OPRD1: variants seen among roughly 807,000 people sequenced by gnomAD.
OPRD1 encodes the protein opioid receptor delta 1.
A neutral mutation model predicts 17.5 loss-of-function variants in OPRD1; 19 were observed. The ratio of observed to expected loss-of-function variants is 1.09; its 90% CI spans 0.76 to 1.60. The LOEUF is 1.60. OPRD1 is among the 40% of genes most tolerant of loss of function. The probability of loss-of-function intolerance (pLI) is 0.00; values close to 1 mark genes in which losing one functional copy is unlikely to be tolerated. For missense variants in OPRD1, 483 were observed against 547.2 expected (o/e 0.88, Z 1.17); for synonymous variants, 256 against 240.9 (o/e 1.06, Z -0.58).
At chr1:28,850,043 C>T (rs1026760888) in intron 1 of OPRD1, among the ~76,000 whole-genome samples, 2 of 152,098 alleles carry the variant, frequency 1.3e-5, no homozygotes. Flanking sequence ...CTACGTCTGG[C>T]TAATTTTTTT....
intron 1 of OPRD1, among the ~76,000 whole-genome samples, chr1:28,830,830 G>A (rs569903480): frequency 3.3e-5 from 5 of 152,250 alleles, no homozygotes; most frequent in Non-Finnish European, 7.3e-5. Flanking sequence ...TTTAGGCAGA[G>A]GGAACAGCAA....
chr1:28,830,472 T>C (rs1189988779), intron 1 of OPRD1, among the ~76,000 whole-genome samples: 1 of 152,112 alleles, frequency 6.6e-6, no homozygotes, highest in Non-Finnish European at 1.5e-5. Flanking sequence ...TGCAGTGGGC[T>C]GTGATAGTGC....
intron 1 of OPRD1, among the ~76,000 whole-genome samples, chr1:28,848,215 C>G (rs1436096244): frequency 1.3e-5 from 2 of 151,566 alleles, no homozygotes; most frequent in Non-Finnish European, 2.9e-5. Flanking sequence ...TGCCACTGCA[C>G]TCTAGCCTGG....
chr1:28,828,719 G>A (rs2088787425), intron 1 of OPRD1, among the ~76,000 whole-genome samples: 1 of 147,982 alleles, frequency 6.8e-6, no homozygotes, highest in Non-Finnish European at 1.5e-5. Flanking sequence ...GCCAGGCGCA[G>A]TGGTTCACGC....
At position 28,862,955 on chromosome 1, in the gene OPRD1, TG is replaced by T; in HGVS notation, c.793del (p.Val265TrpfsTer213). ...CTGCGGCGCATCACGCGCATGGTGC[TG>T]GTGGTTGTGGGCGCCTTCGTGGTGT... The part of the protein sequence containing the change: ...RSLRRITRMV[L>X]VVVGAFVVCW... On this transcript the variant is annotated frameshift_variant, in exon 3 of 3. Coordinates refer to ENST00000234961, the MANE Select transcript of OPRD1 (RefSeq NM_000911.4). LOFTEE classifies it high-confidence loss of function. 6.2e-7 allele frequency: 1 copy of T among 1,612,526 alleles called. No homozygotes were observed. Among genetic ancestry groups the T allele is most frequent in the Non-Finnish European group, 8.5e-7 (1 of 1,179,542 alleles).
chr1:28,836,021 C>T (rs1325013443), intron 1 of OPRD1, among the ~76,000 whole-genome samples: 1 of 152,244 alleles, frequency 6.6e-6, no homozygotes, highest in African/African-American at 2.4e-5. Context: ...CGTAAACGCT[C>T]TACCCAGACA....
At chr1:28,836,165 T>A (rs1260809685) in intron 1 of OPRD1, among the ~76,000 whole-genome samples, 1 of 152,184 alleles carries the variant, frequency 6.6e-6, no homozygotes, top group Non-Finnish European at 1.5e-5. Context: ...GTTAGCCCCT[T>A]CGTATAGTTC....
At chr1:28,851,391 C>T (rs2089001185) in intron 1 of OPRD1, among the ~76,000 whole-genome samples, 1 of 152,208 alleles carries the variant, frequency 6.6e-6, no homozygotes, top group African/African-American at 2.4e-5. Flanking sequence ...CATTTTCAGA[C>T]AAGCAAGGGT....
In OPRD1 at chr1:28,836,400, G is replaced by A. The variant is rs2088853783; in HGVS notation, c.228-22554G>A. On this transcript the variant is annotated intron_variant, in intron 1 of 2. Transcript: ENST00000234961. ...TTGGTGATGTGCGCCTGTAGTCCCA[G>A]CTACTCAGGAGGCTGAGGCAGAAGA... Among the ~76,000 whole-genome samples, 4 of 151,896 alleles carry A rather than the reference G, an allele frequency of 2.6e-5. No individual in the cohort carries two copies. In the South Asian group the frequency reaches 8.3e-4, roughly 32 times the overall value.
chr1:28,842,491 C>T (rs1246765464), intron 1 of OPRD1, among the ~76,000 whole-genome samples: 1 of 152,198 alleles, frequency 6.6e-6, no homozygotes, highest in Non-Finnish European at 1.5e-5. Context: ...TGAATGTGGC[C>T]TGGCTGTGCC....
At chr1:28,841,750 G>A (rs969395703) in intron 1 of OPRD1, among the ~76,000 whole-genome samples, 2 of 151,618 alleles carry the variant, frequency 1.3e-5, no homozygotes, top group African/African-American at 2.4e-5. Context: ...GTCTCGCTCT[G>A]TCACCCAGAC....
At chr1:28,823,156 G>T (rs2088729839) in intron 1 of OPRD1, among the ~76,000 whole-genome samples, 1 of 151,528 alleles carries the variant, frequency 6.6e-6, no homozygotes, top group South Asian at 2.1e-4. Context: ...TGGCCAGGAA[G>T]GGTGTGTGCA....
chr1:28,812,371 C>G lies in OPRD1; in HGVS notation c.-13C>G. The G allele has an allele frequency of 7.3e-7, 1 of 1,369,558 alleles. No homozygotes were observed. Among genetic ancestry groups the G allele is most frequent in the Middle Eastern group, 2.7e-4 (1 of 3,732 alleles). 84.8% of individuals were successfully genotyped at this position (1,369,558 alleles called of 1,614,324 possible). A position where few individuals can be genotyped will look rare whatever the true frequency, so the allele number is the denominator to read the frequency against. On this transcript the variant is annotated 5_prime_UTR_variant, in exon 1 of 3. Coordinates refer to ENST00000234961, the MANE Select transcript of OPRD1 (RefSeq NM_000911.4). ...CACGGTGGAGAGGGACGCGGCGGAG[C>G]CGGCCGGCAGCCATGGAACCGGCCC...
At chr1:28,846,882 CTTTCTTTCTTTT>C (rs1308963230) in intron 1 of OPRD1, among the ~76,000 whole-genome samples, 1 of 55,572 alleles carries the variant, frequency 1.8e-5, no homozygotes, top group African/African-American at 4.0e-5. Flanking sequence ...TTCTTTCTTT[CTTTCTTTCTTTT>C]CTCTTTCTTT....
At chr1:28,853,915 A>AT (rs2089032119) in intron 1 of OPRD1, among the ~76,000 whole-genome samples, 2 of 151,126 alleles carry the variant, frequency 1.3e-5, no homozygotes, top group East Asian at 2.0e-4. Context: ...TAATTTTTGT[A>AT]TTTTTTGTAG....
intron 1 of OPRD1, among the ~76,000 whole-genome samples, chr1:28,846,002 A>G (rs1332864769): frequency 1.3e-5 from 2 of 152,228 alleles, no homozygotes; most frequent in African/African-American, 4.8e-5. Context: ...TGTTACACTC[A>G]GAGTAAACCC....
intron 1 of OPRD1, among the ~76,000 whole-genome samples, chr1:28,836,692 A>G (rs1041836471): frequency 1.3e-5 from 2 of 151,946 alleles, no homozygotes; most frequent in Non-Finnish European, 2.9e-5. Flanking sequence ...CTGTTTTCAC[A>G]TGGCCATGTA....
At chr1:28,850,214 C>A (rs1246415160) in intron 1 of OPRD1, among the ~76,000 whole-genome samples, 1 of 152,018 alleles carries the variant, frequency 6.6e-6, no homozygotes, top group Admixed American at 6.5e-5. Flanking sequence ...AGGGGCCAGG[C>A]ATGATCTCTT....
intron 2 of OPRD1, among the ~76,000 whole-genome samples, chr1:28,862,115 T>C (rs204078): frequency 0.9 from 135,997 of 151,352 alleles, 61,332 homozygotes; most frequent in East Asian, 1. Flanking sequence ...GATGGGGTTT[T>C]ACCGTGTTAG....
Sources: gnomAD v4.1 joint callset for allele counts (sites outside exome capture counted in the v4.1 genomes callset) on GRCh38, gnomAD v4.1.1 for gene constraint, MANE v1.5 for transcripts, NCBI Gene and HGNC (gene_info 2026-07-23, HGNC 2026-07-21) for gene names.